The following SLC24A3 variants were observed in gnomAD, a reference collection of about 807,000 sequenced individuals.
The protein encoded by SLC24A3 is sodium/potassium/calcium exchanger 3.
A neutral mutation model predicts 75.8 loss-of-function variants in SLC24A3; 28 were observed. That is an observed-to-expected ratio of 0.37 (90% confidence interval 0.27 to 0.51). The LOEUF is 0.51. SLC24A3 is among the 20% of genes least tolerant of loss of function. The pLI, the probability that SLC24A3 is intolerant of heterozygous loss-of-function variation, is 0.94. For synonymous variants in SLC24A3, 372 were observed against 334.1 expected (o/e 1.11, Z -1.24); for missense variants, 663 against 847.8 (o/e 0.78, Z 2.71).
At chr20:19,310,185 T>C (rs2122259488) in intron 2 of SLC24A3, among the ~76,000 whole-genome samples, 1 of 152,314 alleles carries the variant, frequency 6.6e-6, no homozygotes, top group Non-Finnish European at 1.5e-5. Flanking sequence ...TGCTTTCACA[T>C]TACCCCTTCT....
At chr20:19,353,318 G>A (rs1309181931) in intron 2 of SLC24A3, among the ~76,000 whole-genome samples, 1 of 152,184 alleles carries the variant, frequency 6.6e-6, no homozygotes, top group African/African-American at 2.4e-5. Flanking sequence ...TTGGAAGGTA[G>A]GTCATCTACA....
chr20:19,690,581 A>G (rs767544956), intron 12 of SLC24A3, among the ~76,000 whole-genome samples: 3 of 152,174 alleles, frequency 2.0e-5, no homozygotes, highest in Non-Finnish European at 4.4e-5. Context: ...AGCCATATGG[A>G]AGGCCGTTGA....
At chr20:19,532,233 G>A (rs1290552322) in intron 3 of SLC24A3, among the ~76,000 whole-genome samples, 5 of 152,352 alleles carry the variant, frequency 3.3e-5, no homozygotes, top group Admixed American at 1.3e-4. Context: ...CAAGGACTAT[G>A]GCTCTGCCCT....
Position 19,721,044 on chromosome 20 carries a change from G to A in SLC24A3, c.1839G>A (p.Gly613=), listed in dbSNP as rs778325586. ...KWQLDKKLGC[G]CLLLYGVFLC... ...AGCTGGACAAGAAGCTGGGCTGTGG[G>A]TGCCTCCTCCTGTATGGTGTGTTCC... The change falls in exon 17 of 17, where the codon GGG becomes GGA. Residue 613 remains glycine, a synonymous_variant. Transcript: ENST00000328041. 5 of 1,613,976 alleles carry A rather than the reference G, an allele frequency of 3.1e-6. No homozygotes were observed. Among genetic ancestry groups the A allele is most frequent in the African/African-American group, 1.3e-5 (1 of 74,886 alleles).
intron 4 of SLC24A3, among the ~76,000 whole-genome samples, chr20:19,580,756 T>C (rs1416338507): frequency 6.6e-6 from 1 of 152,228 alleles, no homozygotes; most frequent in Non-Finnish European, 1.5e-5. Flanking sequence ...TCCATTTTAT[T>C]TATTTATTTA....
chr20:19,295,502 A>G (rs1315785615), intron 2 of SLC24A3, among the ~76,000 whole-genome samples: 1 of 151,778 alleles, frequency 6.6e-6, no homozygotes, highest in African/African-American at 2.4e-5. Context: ...GTCATAAATG[A>G]CTCTTATTAT....
At chr20:19,582,018 T>C (rs957815383) in intron 4 of SLC24A3, among the ~76,000 whole-genome samples, 1 of 152,224 alleles carries the variant, frequency 6.6e-6, no homozygotes, top group Non-Finnish European at 1.5e-5. Context: ...GGAAAGACAA[T>C]GTTGGCTCCA....
At chr20:19,290,242 T>G (rs1020749871) in intron 2 of SLC24A3, among the ~76,000 whole-genome samples, 1 of 152,148 alleles carries the variant, frequency 6.6e-6, no homozygotes, top group Non-Finnish European at 1.5e-5. Context: ...GTGGAGATTT[T>G]AAACCCAGGT....
At chr20:19,598,852 C>T (rs774209986) in intron 6 of SLC24A3, among the ~76,000 whole-genome samples, 4 of 151,932 alleles carry the variant, frequency 2.6e-5, no homozygotes, top group Non-Finnish European at 5.9e-5. Context: ...CCCATAGCAT[C>T]TTTGTGCTTG....
At position 19,717,570 on chromosome 20, in the gene SLC24A3, C is replaced by T; in HGVS notation, c.1762C>T (p.Leu588Phe). The T allele has an allele frequency of 6.2e-7, 1 of 1,614,184 alleles. No homozygotes were observed. The highest frequency in any genetic ancestry group is 8.5e-7 in the Non-Finnish European group (1 of 1,180,018). ...SRGLIYSVGL[L>F]LASVFVTVFG... ...GGGGCTGATCTACTCCGTAGGCTTGCTCCTGGCCTCTGTTTTTGTCACGGT... is the reference window on the plus strand; with the variant it reads ...GGGGCTGATCTACTCCGTAGGCTTGTTCCTGGCCTCTGTTTTTGTCACGGT... The change falls in exon 16 of 17, where the codon CTC (leucine) becomes TTC (phenylalanine). Residue 588 changes from leucine to phenylalanine, a missense_variant. Physicochemically the swap from Leu to Phe is conservative, Grantham distance 22. This residue lies in a region of SLC24A3 where 510 missense variants were observed against 703.6 expected (regional missense o/e 0.72). Transcript: ENST00000328041.
At chr20:19,579,034 C>T (rs1417859056) in intron 3 of SLC24A3, among the ~76,000 whole-genome samples, 1 of 152,104 alleles carries the variant, frequency 6.6e-6, no homozygotes, top group East Asian at 1.9e-4. Flanking sequence ...TCTAATTGGG[C>T]CAACCTAGGT....
intron 3 of SLC24A3, among the ~76,000 whole-genome samples, chr20:19,554,916 A>G (rs941503107): frequency 6.6e-5 from 10 of 152,192 alleles, no homozygotes; most frequent in Admixed American, 6.5e-5. Flanking sequence ...GGAGCGTAGA[A>G]TGGCAACAGA....
At chr20:19,324,534 T>A (rs897040691) in intron 2 of SLC24A3, among the ~76,000 whole-genome samples, 5 of 152,202 alleles carry the variant, frequency 3.3e-5, no homozygotes, top group African/African-American at 1.2e-4. Context: ...CCCAGGGTTG[T>A]CCTGGCCTTG....
chr20:19,580,526 T>C (rs574732501), intron 4 of SLC24A3, among the ~76,000 whole-genome samples: 1 of 152,192 alleles, frequency 6.6e-6, no homozygotes, highest in Non-Finnish European at 1.5e-5. Context: ...TCTCTCTGTA[T>C]ATGTACAGAA....
At chr20:19,348,107 G>T (rs957037289) in intron 2 of SLC24A3, among the ~76,000 whole-genome samples, 4 of 152,224 alleles carry the variant, frequency 2.6e-5, no homozygotes, top group African/African-American at 9.7e-5. Flanking sequence ...CAACAAGGTG[G>T]CAATTGACCT....
intron 2 of SLC24A3, among the ~76,000 whole-genome samples, chr20:19,419,353 T>C (rs1338543394): frequency 4.0e-5 from 6 of 150,062 alleles, no homozygotes; most frequent in African/African-American, 1.5e-4. Flanking sequence ...AATCAGGCAG[T>C]AAAAAGCTAG....
intron 2 of SLC24A3, among the ~76,000 whole-genome samples, chr20:19,491,221 G>C (rs1988204860): frequency 6.6e-6 from 1 of 152,152 alleles, no homozygotes; most frequent in Admixed American, 6.5e-5. Flanking sequence ...TGTCCAGAGA[G>C]GGGAAGGGCT....
At chr20:19,525,327 C>A (rs2030178611) in intron 3 of SLC24A3, among the ~76,000 whole-genome samples, 1 of 152,166 alleles carries the variant, frequency 6.6e-6, no homozygotes, top group African/African-American at 2.4e-5. Flanking sequence ...CTGTCTCAGG[C>A]TGACTCCCCC....
chr20:19,573,256 C>G (rs2031081697), intron 3 of SLC24A3, among the ~76,000 whole-genome samples: 1 of 152,194 alleles, frequency 6.6e-6, no homozygotes, highest in South Asian at 2.1e-4. Context: ...CCAGCTAGAG[C>G]CTGCTCACCT....
Sources: gnomAD v4.1 joint callset for allele counts (sites outside exome capture counted in the v4.1 genomes callset) on GRCh38, gnomAD v4.1.1 for gene constraint, gnomAD v4.1.1 regional missense constraint, MANE v1.5 for transcripts, NCBI Gene and HGNC (gene_info 2026-07-23, HGNC 2026-07-21) for gene names.